Variants in HOXA10 observed in about 807,000 individuals in gnomAD.
HOXA10 encodes the protein homeobox protein Hox-A10.
Under a neutral mutation model 29.7 loss-of-function variants are expected in HOXA10, and 12 were observed. That is an observed-to-expected ratio of 0.40 (90% confidence interval 0.26 to 0.65). The LOEUF is 0.65. Ranked by LOEUF, HOXA10 falls within the 30% of genes least tolerant of loss-of-function variation. HOXA10 has a pLI of 0.37. For missense variants in HOXA10, 656 were observed against 585.9 expected, an observed-to-expected ratio of 1.12 and a Z score of -1.24; for synonymous variants, 327 against 280.7, an observed-to-expected ratio of 1.16 and a Z score of -1.65.
At chr7:27,174,609 C>T, upstream of HOXA10, 1 of 466,102 alleles carries the variant, frequency 2.1e-6, no homozygotes, top group South Asian at 2.4e-5. Flanking sequence ...GACGTGAGCC[C>T]CATACCGGGG....
chr7:27,174,347 C>A (rs753186988), upstream of HOXA10: 21 of 1,591,060 alleles, frequency 1.3e-5, no homozygotes, highest in Admixed American at 1.7e-5. Flanking sequence ...GCAATCCCCC[C>A]GCACCGCGGC....
Position 27,171,986 on chromosome 7 carries a change from G to A in HOXA10, c.1146C>T (p.Ile382=). 3 of 1,614,170 alleles carry A rather than the reference G, an allele frequency of 1.9e-6. No homozygotes were observed. The highest frequency in any genetic ancestry group is 2.5e-6 in the Non-Finnish European group (3 of 1,179,994). ...SVHLTDRQVK[I]WFQNRRMKLK... is the part of the protein sequence containing the mutation. ...GTTTCATCCTGCGGTTCTGAAACCA[G>A]ATTTTCACTTGTCTGTCCGTGAGGT... The change falls in exon 2 of 2, where the codon ATC becomes ATT. Residue 382 remains isoleucine (I), a synonymous_variant. Transcript: ENST00000283921.
chr7:27,173,238 C>T, intron 1 of HOXA10, 111 bp downstream of exon 1: 3 of 1,531,718 alleles, frequency 2.0e-6, no homozygotes, highest in African/African-American at 1.4e-5. Context: ...CTGCCTGCAG[C>T]TTGGGCCAAG....
At position 27,173,686 on chromosome 7, in the gene HOXA10, C is replaced by A; in HGVS notation, c.621G>T (p.Gly207=). Reference sequence around the variant, plus strand: ...GGCGGAAGTAGCCAGGCACTGGCACCCCGCTGGAGGTGCCCAGGGCGCAGC... The same window carrying A: ...GGCGGAAGTAGCCAGGCACTGGCACACCGCTGGAGGTGCCCAGGGCGCAGC... ...PDGCALGTSS[G]VPVPGYFRLS... The change falls in exon 1 of 2, where the codon GGG becomes GGT. Residue 207 remains glycine, a synonymous_variant. Coordinates refer to ENST00000283921, the MANE Select transcript of HOXA10 (RefSeq NM_018951.4). 1 of 1,560,166 alleles carries A rather than the reference C, an allele frequency of 6.4e-7. No homozygotes were observed. Among genetic ancestry groups the A allele is most frequent in the Non-Finnish European group, 8.7e-7 (1 of 1,152,826 alleles).
chr7:27,174,337 G>C (rs1783606164), upstream of HOXA10: 1 of 1,596,534 alleles, frequency 6.3e-7, no homozygotes, highest in African/African-American at 1.3e-5. Flanking sequence ...AATACGATTA[G>C]CAATCCCCCC....
In HOXA10 at chr7:27,174,100, G is replaced by T; in HGVS notation, c.207C>A (p.Ala69=). Residue 69 remains alanine (A), a synonymous_variant, in exon 1 of 2, where the codon GCC becomes GCA. Transcript: ENST00000283921. ...AHGGVYLPPA[A]DLPYGLQSCG... ...AGCTCTGCAGCCCGTAGGGCAGGTC[G>T]GCGGCGGGCGGCAGGTAGACCCCGC... The T allele has an allele frequency of 6.4e-7, 1 of 1,569,884 alleles. No individual in the cohort carries two copies. The highest frequency in any genetic ancestry group is 2.3e-5 in the East Asian group (1 of 43,680).
upstream of HOXA10, among the ~76,000 whole-genome samples, chr7:27,175,490 T>C (rs1783637550): frequency 6.6e-6 from 1 of 152,124 alleles, no homozygotes; most frequent in African/African-American, 2.4e-5. Context: ...GGAAATCCTT[T>C]CCCTGCAAGG....
chr7:27,177,552 C>T (rs897438417), upstream of HOXA10, among the ~76,000 whole-genome samples: 3 of 152,132 alleles, frequency 2.0e-5, no homozygotes, highest in Non-Finnish European at 4.4e-5. Context: ...GGTCTCCTAG[C>T]CCCCAGCATC....
chr7:27,178,326 C>T (rs1349210237), upstream of HOXA10, among the ~76,000 whole-genome samples: 3 of 152,188 alleles, frequency 2.0e-5, no homozygotes, highest in African/African-American at 7.2e-5. Flanking sequence ...ATGTTCTTTT[C>T]CCATTCATCT....
chr7:27,172,267 A>T (rs560713179), intron 1 of HOXA10, 94 bp from the exon 2 acceptor site: 9 of 1,286,080 alleles, frequency 7.0e-6, no homozygotes, highest in East Asian at 4.6e-5. Flanking sequence ...CATAAGAGAG[A>T]TGTCCCAAGT....
upstream of HOXA10, among the ~76,000 whole-genome samples, chr7:27,176,780 G>A (rs1450227584): frequency 6.6e-6 from 1 of 152,254 alleles, no homozygotes; most frequent in Non-Finnish European, 1.5e-5. Flanking sequence ...TACAAATAAA[G>A]TAAAAGACAA....
intron 1 of HOXA10, chr7:27,179,622 A>G (rs768754215): frequency 2.6e-6 from 2 of 777,314 alleles, no homozygotes; most frequent in Non-Finnish European, 4.8e-6. Context: ...CCAGACTGAA[A>G]TTGCTAAACT....
chr7:27,171,086 C>T lies in HOXA10; in HGVS notation c.*813G>A, dbSNP rs546828943. On this transcript the variant is annotated 3_prime_UTR_variant, in exon 2 of 2. Coordinates refer to ENST00000283921, the MANE Select transcript of HOXA10 (RefSeq NM_018951.4). ...TTAATGACAAAAAAATCCACTAATT[C>T]CAAATGCATAAACAAAACTACATTA... 1 of 449,452 alleles carries T rather than the reference C, an allele frequency of 2.2e-6. No individual in the cohort carries two copies. Among genetic ancestry groups the T allele is most frequent in the African/African-American group, 2.0e-5 (1 of 49,638 alleles). 27.8% of individuals were successfully genotyped at this position (449,452 alleles called of 1,614,324 possible).
At position 27,173,643 on chromosome 7, in the gene HOXA10, T is replaced by C. The variant is rs774679917; in HGVS notation, c.664A>G (p.Thr222Ala). 6.1e-5 allele frequency: 94 copies of C among 1,545,402 alleles called. No homozygotes were observed. In the Middle Eastern group the frequency reaches 2.1e-3, roughly 34 times the overall value. ...GYFRLSQAYGTAKGYGSGGGG... is the reference protein window; with the variant it reads ...GYFRLSQAYGAAKGYGSGGGG... ...CCGCCGCTGCCATAGCCCTTGGCGG[T>C]GCCGTAGGCCTGAGAAAGGCGGAAG... Residue 222 changes from threonine to alanine, a missense_variant, in exon 1 of 2, where the codon ACC becomes GCC. Around this residue, in one of 2 missense-constraint regions of HOXA10, gnomAD observed 594 missense variants for 491.9 expected, o/e 1.21. Transcript: ENST00000283921.
Position 27,173,495 on chromosome 7 carries a change from T to A in HOXA10, c.812A>T (p.Asp271Val). The stretch of plus-strand genomic sequence containing the variant: ...AGCCAGCGTGGGGGGCGGCGGCGAA[T>A]CGAGGGCTCGCTCCTTCCGGGCCGC... Reference protein sequence around the residue: ...ADAARKERALDSPPPPTLACG... With the variant: ...ADAARKERALVSPPPPTLACG... Residue 271 changes from aspartate (D) to valine (V), a missense_variant, in exon 1 of 2, where the codon GAT becomes GTT. Physicochemically the swap from Asp to Val is radical, Grantham distance 152. Around this residue, in one of 2 missense-constraint regions of HOXA10, gnomAD observed 594 missense variants for 491.9 expected, o/e 1.21. Transcript: ENST00000283921. The A allele has an allele frequency of 6.5e-7, 1 of 1,528,236 alleles. No homozygotes were observed. The highest frequency in any genetic ancestry group is 1.2e-5 in the South Asian group (1 of 81,466). 94.7% of individuals were successfully genotyped at this position (1,528,236 alleles called of 1,614,324 possible). A position where few individuals can be genotyped will look rare whatever the true frequency, so the allele number is the denominator to read the frequency against.
At chr7:27,179,665 C>G (rs921031020) in exon 1 of HOXA10, 7 of 778,946 alleles carry the variant, frequency 9.0e-6, no homozygotes, top group African/African-American at 1.7e-5. Context: ...TTTCCGAAAT[C>G]ACTGCCAAGG....
Position 27,171,830 on chromosome 7 carries a change from C to A in HOXA10, c.*69G>T. ...TCCAGCACAGGTGCGAGTTCCTGGGCAGAGCCTGAAGACAGAGGGAGGGGA... is the reference window on the plus strand; with the variant it reads ...TCCAGCACAGGTGCGAGTTCCTGGGAAGAGCCTGAAGACAGAGGGAGGGGA... On this transcript the variant is annotated 3_prime_UTR_variant, in exon 2 of 2. Transcript: ENST00000283921. 6.5e-7 allele frequency: 1 copy of A among 1,529,402 alleles called. No homozygotes were observed. The highest frequency in any genetic ancestry group is 9.1e-7 in the Non-Finnish European group (1 of 1,103,760). The allele number at this position is 1,529,402 out of a possible 1,614,324, so 94.7% of individuals were successfully genotyped here.
chr7:27,174,633 C>G, upstream of HOXA10: 1 of 397,780 alleles, frequency 2.5e-6, no homozygotes, highest in South Asian at 2.7e-5. Context: ...CTTAGAAGGG[C>G]CCTTGGGCCC....
upstream of HOXA10, chr7:27,174,396 G>C (rs1783608333): frequency 6.4e-7 from 1 of 1,563,696 alleles, no homozygotes; most frequent in Middle Eastern, 2.3e-4. Flanking sequence ...GTTTCCGCGC[G>C]ACCACTCCCA....
Sources: gnomAD v4.1 joint callset for allele counts (sites outside exome capture counted in the v4.1 genomes callset) on GRCh38, gnomAD v4.1.1 for gene constraint, gnomAD v4.1.1 regional missense constraint, MANE v1.5 for transcripts, NCBI Gene and HGNC (gene_info 2026-07-23, HGNC 2026-07-21) for gene names.